The following DPP10 variants were observed in gnomAD, a reference collection of about 807,000 sequenced individuals.
DPP10 encodes the protein inactive dipeptidyl peptidase 10.
A neutral mutation model predicts 120.9 loss-of-function variants in DPP10; 33 were observed. The observed-to-expected ratio is 0.27, with a 90% CI of 0.21 to 0.37. DPP10 has a LOEUF of 0.37. Among genes scored for constraint, DPP10 ranks in the 10% least tolerant of loss-of-function variants. The pLI, the probability that DPP10 is intolerant of heterozygous loss-of-function variation, is 1.00. For missense variants in DPP10, 816 were observed against 942.8 expected, an observed-to-expected ratio of 0.87 and a Z score of 1.76; for synonymous variants, 337 against 326.1, an observed-to-expected ratio of 1.03 and a Z score of -0.36.
intron 5 of DPP10, among the ~76,000 whole-genome samples, chr2:115,573,276 A>AT (rs34420249): frequency 0.047 from 4,033 of 86,446 alleles, 172 homozygotes; most frequent in African/African-American, 0.11. Context: ...GCTTCCTGGG[A>AT]TTTTTTTTTT....
At chr2:114,825,577 C>T (rs1686453449) in intron 1 of DPP10, among the ~76,000 whole-genome samples, 1 of 152,176 alleles carries the variant, frequency 6.6e-6, no homozygotes, top group Non-Finnish European at 1.5e-5. Flanking sequence ...TTCTTATCAG[C>T]TTAGGCATAA....
At chr2:114,551,517 T>C (rs1471620415) in intron 1 of DPP10, among the ~76,000 whole-genome samples, 1 of 152,134 alleles carries the variant, frequency 6.6e-6, no homozygotes, top group Non-Finnish European at 1.5e-5. Context: ...TGCCTCCTAG[T>C]GTTGTGGTGA....
intron 1 of DPP10, among the ~76,000 whole-genome samples, chr2:114,892,654 GTTC>G (rs1294216960): frequency 6.6e-6 from 1 of 152,190 alleles, no homozygotes; most frequent in Non-Finnish European, 1.5e-5. Flanking sequence ...CAGTGGAACT[GTTC>G]TTCTCCTACG....
chr2:114,533,325 T>A (rs546451837), intron 1 of DPP10, among the ~76,000 whole-genome samples: 49 of 152,286 alleles, frequency 3.2e-4, no homozygotes, highest in African/African-American at 1.0e-3. Flanking sequence ...TGTTCTTTGT[T>A]GGCTTATTAT....
At chr2:114,639,372 G>A (rs1695540123) in intron 1 of DPP10, among the ~76,000 whole-genome samples, 1 of 151,872 alleles carries the variant, frequency 6.6e-6, no homozygotes, top group African/African-American at 2.4e-5. Context: ...CATGACATGT[G>A]GGAATTATGG....
chr2:115,157,641 G>T (rs569604649), intron 1 of DPP10, among the ~76,000 whole-genome samples: 2 of 152,174 alleles, frequency 1.3e-5, no homozygotes, highest in African/African-American at 4.8e-5. Context: ...TCTGTCCAGG[G>T]ACATGATGTG....
At chr2:115,485,168 A>C (rs956881132) in intron 3 of DPP10, among the ~76,000 whole-genome samples, 1 of 151,092 alleles carries the variant, frequency 6.6e-6, no homozygotes, top group African/African-American at 2.4e-5. Flanking sequence ...TAAGTCCATT[A>C]TACAATTTTA....
Position 115,270,113 on chromosome 2 carries a change from C to G in DPP10, c.61-39126C>G, listed in dbSNP as rs534174225. Among the ~76,000 whole-genome samples the G allele has an allele frequency of 5.3e-4, 68 of 128,230 alleles. 1 individual carries two copies. Among genetic ancestry groups the G allele is most frequent in the African/African-American group, 2.0e-3 (65 of 32,070 alleles). 84.1% of individuals were successfully genotyped at this position (128,230 alleles called of 152,430 possible). A position where few individuals can be genotyped will look rare whatever the true frequency, so the allele number is the denominator to read the frequency against. Reference sequence around the variant, plus strand: ...ACACACACACACACACACACACACACAGACACACACACAAACACTTATTTA... The same window carrying G: ...ACACACACACACACACACACACACAGAGACACACACACAAACACTTATTTA... On this transcript the variant is annotated intron_variant, in intron 1 of 25. Coordinates refer to ENST00000410059, the MANE Select transcript of DPP10 (RefSeq NM_020868.6).
chr2:114,503,713 C>T (rs1213463504), intron 1 of DPP10, among the ~76,000 whole-genome samples: 2 of 152,162 alleles, frequency 1.3e-5, no homozygotes, highest in Non-Finnish European at 2.9e-5. Context: ...GAAACATGAA[C>T]TCTGGTTGGG....
At chr2:114,617,940 G>A (rs1460993435) in intron 1 of DPP10, among the ~76,000 whole-genome samples, 2 of 152,010 alleles carry the variant, frequency 1.3e-5, no homozygotes, top group Admixed American at 1.3e-4. Flanking sequence ...CAACCGGCTG[G>A]TTAGAGCTAG....
chr2:115,768,876 T>TA (rs1013082012), intron 13 of DPP10, among the ~76,000 whole-genome samples: 1 of 151,680 alleles, frequency 6.6e-6, no homozygotes, highest in Admixed American at 6.6e-5. Context: ...TGCAGATTTT[T>TA]AAAAAACAGG....
intron 1 of DPP10, among the ~76,000 whole-genome samples, chr2:114,881,457 G>GTCTGTCTGTCTATCTA (rs140898800): frequency 5.5e-5 from 8 of 144,214 alleles, no homozygotes; most frequent in African/African-American, 1.8e-4. Context: ...CTGTCTGTCT[G>GTCTGTCTGTCTATCTA]TCTATCTATC....
chr2:114,672,504 T>C (rs1352375946), intron 1 of DPP10, among the ~76,000 whole-genome samples: 1 of 152,162 alleles, frequency 6.6e-6, no homozygotes, highest in Non-Finnish European at 1.5e-5. Flanking sequence ...GTATGTTCCA[T>C]CTGTAAAATT....
At chr2:115,145,146 A>C (rs935580980) in intron 1 of DPP10, 2 of 149,170 alleles carry the variant, frequency 1.3e-5, no homozygotes, top group Non-Finnish European at 3.0e-5. Flanking sequence ...TGTGTGTCAG[A>C]AAAAAAAAAG....
chr2:114,803,423 G>A (rs1017457899), intron 1 of DPP10, among the ~76,000 whole-genome samples: 15 of 152,204 alleles, frequency 9.9e-5, no homozygotes, highest in South Asian at 2.1e-4. Context: ...AAGAGGTAGA[G>A]GTTGGACCAG....
chr2:115,310,017 T>G (rs2061516558), intron 2 of DPP10, among the ~76,000 whole-genome samples: 2 of 152,114 alleles, frequency 1.3e-5, no homozygotes, highest in South Asian at 4.1e-4. Flanking sequence ...TACTCTTTAG[T>G]AGGTACTAAT....
chr2:115,209,919 G>A (rs1230658258), intron 1 of DPP10, among the ~76,000 whole-genome samples: 1 of 152,136 alleles, frequency 6.6e-6, no homozygotes, highest in Non-Finnish European at 1.5e-5. Flanking sequence ...AGGTTCAGTG[G>A]CTCACGCCTG....
intron 1 of DPP10, chr2:115,131,008 T>C (rs1212478246): frequency 6.6e-6 from 1 of 152,228 alleles, no homozygotes; most frequent in Admixed American, 6.5e-5. Context: ...TCAATTTTTC[T>C]TACTTCTTAC....
At chr2:114,665,018 T>C (rs1474956878) in intron 1 of DPP10, among the ~76,000 whole-genome samples, 1 of 151,980 alleles carries the variant, frequency 6.6e-6, no homozygotes, top group East Asian at 1.9e-4. Flanking sequence ...ATACAAAAGA[T>C]GGCACAGAGC....
Sources: allele counts gnomAD v4.1 joint callset (sites outside exome capture counted in the v4.1 genomes callset), GRCh38; gene constraint gnomAD v4.1.1; transcripts MANE v1.5; gene names NCBI Gene and HGNC (gene_info 2026-07-23, HGNC 2026-07-21).